The following STPG2 variants were observed in gnomAD, a reference collection of about 807,000 sequenced individuals.
STPG2 encodes sperm-tail PG-rich repeat-containing protein 2.
In STPG2, 56 loss-of-function variants were observed where a neutral mutation model predicts 54.2. The observed-to-expected ratio is 1.03, with a 90% CI of 0.83 to 1.29. The LOEUF is 1.29. STPG2 is among the 50% of genes most tolerant of loss of function. The pLI, the probability that STPG2 is intolerant of heterozygous loss-of-function variation, is 0.00. For synonymous variants in STPG2, 200 were observed against 181.8 expected, an observed-to-expected ratio of 1.10 and a Z score of -0.81; for missense variants, 596 against 544.9, an observed-to-expected ratio of 1.09 and a Z score of -0.93.
At chr4:97,791,055 A>G (rs1231709009) in intron 9 of STPG2, among the ~76,000 whole-genome samples, 3 of 152,178 alleles carry the variant, frequency 2.0e-5, no homozygotes, top group Non-Finnish European at 4.4e-5. Flanking sequence ...CCCTACTCTG[A>G]AAAAGCAAAG....
Position 98,124,108 on chromosome 4 carries a change from C to T in STPG2, c.387+4320G>A, listed in dbSNP as rs190293640. Among the ~76,000 whole-genome samples the T allele has an allele frequency of 4.3e-3, 648 of 152,184 alleles. 3 individuals carry two copies. The highest frequency in any genetic ancestry group is 0.025 in the South Asian group (120 of 4,822). Reference sequence around the variant, plus strand: ...GATAGGTCTCTTGAATACAGCACACCGATGGATCTTGACTGTTTATGTGGC... The same window carrying T: ...GATAGGTCTCTTGAATACAGCACACTGATGGATCTTGACTGTTTATGTGGC... On this transcript the variant is annotated intron_variant, in intron 3 of 10. Coordinates refer to ENST00000295268, the MANE Select transcript of STPG2 (RefSeq NM_174952.3).
chr4:97,666,996 C>T (rs1032068361), intron 10 of STPG2, among the ~76,000 whole-genome samples: 2 of 152,180 alleles, frequency 1.3e-5, no homozygotes, highest in African/African-American at 4.8e-5. Flanking sequence ...ACCACCACCA[C>T]CACCATCATC....
intron 10 of STPG2, among the ~76,000 whole-genome samples, chr4:97,643,957 G>T (rs543546289): frequency 6.6e-6 from 1 of 151,836 alleles, no homozygotes; most frequent in Admixed American, 6.6e-5. Flanking sequence ...AGAAGGAGAT[G>T]AATGTCTTTT....
In STPG2 at chr4:97,949,014, A is replaced by G. The variant is rs138761909; in HGVS notation, c.934-5007T>C. On this transcript the variant is annotated intron_variant, in intron 7 of 10. Transcript: ENST00000295268. ...TATACTGCTGTCAATGGGGTGTTGA[A>G]GTCCCCCACTATAATTGTGTTGCTT... is the stretch of plus-strand genomic sequence containing the variant. 2.0e-3 allele frequency among the ~76,000 whole-genome samples: 300 copies of G among 152,214 alleles called. 1 individual carries two copies. Among genetic ancestry groups the G allele is most frequent in the African/African-American group, 6.7e-3 (280 of 41,562 alleles).
At chr4:97,988,827 G>C (rs1323427032) in intron 5 of STPG2, among the ~76,000 whole-genome samples, 1 of 152,158 alleles carries the variant, frequency 6.6e-6, no homozygotes, top group African/African-American at 2.4e-5. Context: ...GGGTTCCCCA[G>C]ACTGGTCTTG....
intron 9 of STPG2, among the ~76,000 whole-genome samples, chr4:97,764,348 T>A (rs940496547): frequency 3.9e-5 from 6 of 152,144 alleles, no homozygotes; most frequent in Non-Finnish European, 8.8e-5. Flanking sequence ...AAAATATTTG[T>A]ATAATAGCTG....
In STPG2 at chr4:97,446,086, T is replaced by A. The variant is rs375787475; in HGVS notation, c.463-258253A>T. On this transcript the variant is annotated intron_variant, in intron 4 of 4. Transcript: ENST00000522676. ...CTTTTAATTCAAAACTGCTTGATAA[T>A]GCAATTTAACTAAAAAAGTCTACAT... Among the ~76,000 whole-genome samples the A allele has an allele frequency of 2.6e-5, 4 of 152,290 alleles. No individual in the cohort carries two copies. In the South Asian group the frequency reaches 6.2e-4, roughly 24 times the overall value.
intron 8 of STPG2, chr4:97,917,376 C>A (rs1441992401): frequency 6.6e-6 from 1 of 152,224 alleles, no homozygotes; most frequent in African/African-American, 2.4e-5. Flanking sequence ...CTGAGAGAGG[C>A]ACTGCCTGCA....
intron 4 of STPG2, among the ~76,000 whole-genome samples, chr4:97,456,539 T>C (rs923182391): frequency 3.3e-5 from 5 of 152,044 alleles, no homozygotes; most frequent in East Asian, 3.9e-4. Flanking sequence ...AGCCAAACCA[T>C]ATTACTGACA....
intron 8 of STPG2, among the ~76,000 whole-genome samples, chr4:97,923,862 T>A (rs551388095): frequency 6.6e-6 from 1 of 152,314 alleles, no homozygotes; most frequent in African/African-American, 2.4e-5. Context: ...GTCAGCACCC[T>A]GTCAAAATGG....
chr4:97,501,226 T>C (rs1001925317), intron 4 of STPG2, among the ~76,000 whole-genome samples: 3 of 152,012 alleles, frequency 2.0e-5, no homozygotes, highest in Non-Finnish European at 2.9e-5. Flanking sequence ...GAGAAAATCG[T>C]CTTAAAAGGT....
chr4:97,714,658 A>C (rs973869576), intron 9 of STPG2, among the ~76,000 whole-genome samples: 1 of 152,174 alleles, frequency 6.6e-6, no homozygotes, highest in Non-Finnish European at 1.5e-5. Context: ...ATGCACATAT[A>C]CATACATAAC....
At position 97,562,593 on chromosome 4, in the gene STPG2, G is replaced by C. The variant is rs376355114; in HGVS notation, c.1321-3476C>G. Among the ~76,000 whole-genome samples the C allele has an allele frequency of 4.9e-4, 75 of 152,040 alleles. No individual in the cohort carries two copies. In the South Asian group the frequency reaches 8.3e-3, roughly 17 times the overall value. On this transcript the variant is annotated intron_variant, in intron 10 of 10. Coordinates refer to ENST00000295268, the MANE Select transcript of STPG2 (RefSeq NM_174952.3). Reference sequence around the variant, plus strand: ...GGCTGTGGGTTTGTCATAGATAGCTGTTATTATTTTGAGATACTTCCCATC... The same window carrying C: ...GGCTGTGGGTTTGTCATAGATAGCTCTTATTATTTTGAGATACTTCCCATC...
intron 5 of STPG2, among the ~76,000 whole-genome samples, chr4:97,993,840 C>T (rs558672516): frequency 6.6e-6 from 1 of 152,240 alleles, no homozygotes; most frequent in East Asian, 1.9e-4. Flanking sequence ...AGGAATTTAT[C>T]CATCTCCTCT....
chr4:97,804,454 CTATTT>C (rs1727492895), intron 9 of STPG2, among the ~76,000 whole-genome samples: 1 of 151,672 alleles, frequency 6.6e-6, no homozygotes, highest in East Asian at 1.9e-4. Context: ...ACTTTTTTTT[CTATTT>C]TAAAGTTTAA....
intron 4 of STPG2, among the ~76,000 whole-genome samples, chr4:97,530,348 A>G (rs919638115): frequency 6.6e-6 from 1 of 152,212 alleles, no homozygotes; most frequent in Non-Finnish European, 1.5e-5. Flanking sequence ...AGCAAAGGTT[A>G]TGCTGTACTG....
At chr4:97,990,333 C>T (rs1734963052) in intron 5 of STPG2, among the ~76,000 whole-genome samples, 1 of 152,040 alleles carries the variant, frequency 6.6e-6, no homozygotes, top group Admixed American at 6.6e-5. Flanking sequence ...AAATAAGCTC[C>T]AAAATAAGTC....
At chr4:97,711,723 G>T (rs1307025355) in intron 10 of STPG2, among the ~76,000 whole-genome samples, 1 of 145,870 alleles carries the variant, frequency 6.9e-6, no homozygotes, top group Admixed American at 6.9e-5. Flanking sequence ...AGGCTGGAGT[G>T]CAGTGGTGCA....
chr4:97,965,621 C>T lies in STPG2; in HGVS notation c.933+6659G>A, dbSNP rs1560613186. 2.0e-5 allele frequency among the ~76,000 whole-genome samples: 3 copies of T among 152,160 alleles called. No individual in the cohort carries two copies. In the South Asian group the frequency reaches 6.2e-4, roughly 31 times the overall value. Reference sequence around the variant, plus strand: ...AACAGACAGCTCATACAGGCTGGTGCCCCTCTGGGACGAAGCTTCCAGAAA... The same window carrying T: ...AACAGACAGCTCATACAGGCTGGTGTCCCTCTGGGACGAAGCTTCCAGAAA... On this transcript the variant is annotated intron_variant, in intron 7 of 10. Transcript: ENST00000295268.
Sources: allele counts gnomAD v4.1 joint callset (sites outside exome capture counted in the v4.1 genomes callset), GRCh38; gene constraint gnomAD v4.1.1; transcripts MANE v1.5; gene names NCBI Gene and HGNC (gene_info 2026-07-23, HGNC 2026-07-21).